ANAPC5: variants seen among roughly 807,000 people sequenced by gnomAD.
ANAPC5 encodes anaphase promoting complex subunit 5.
In ANAPC5, 60 loss-of-function variants were observed where a neutral mutation model predicts 91.3. The ratio of observed to expected loss-of-function variants is 0.66; its 90% CI spans 0.53 to 0.81. The LOEUF is 0.81. Ranked by LOEUF, ANAPC5 falls within the 40% of genes least tolerant of loss-of-function variation. ANAPC5 has a pLI of 0.00. For synonymous variants in ANAPC5, 340 were observed against 364.1 expected, an observed-to-expected ratio of 0.93 and a Z score of 0.75; for missense variants, 690 against 931.5, an observed-to-expected ratio of 0.74 and a Z score of 3.37.
chr12:121,309,369 C>T (rs1032748809), intron 16 of ANAPC5, among the ~76,000 whole-genome samples: 45 of 150,980 alleles, frequency 3.0e-4, no homozygotes, highest in African/African-American at 9.0e-4. Flanking sequence ...ACCTGGAAGG[C>T]GGAGGTTGCA....
rs1902020283 is a variant in ANAPC5, at chr12:121,308,350, G to A, written c.*130C>T. 4 of 742,370 alleles carry A rather than the reference G, an allele frequency of 5.4e-6. No homozygotes were observed. The highest frequency in any genetic ancestry group is 8.7e-6 in the Non-Finnish European group (4 of 459,544). The allele number at this position is 742,370 out of a possible 1,614,324, so 46.0% of individuals were successfully genotyped here. The stretch of plus-strand genomic sequence containing the variant: ...TACGTAGTTACTAGCAACAAAATAA[G>A]ACAAACTAATCAGAATGCTGTTTAT... On this transcript the variant is annotated 3_prime_UTR_variant, in exon 17 of 17. Coordinates refer to ENST00000261819, the MANE Select transcript of ANAPC5 (RefSeq NM_016237.5).
At chr12:121,316,731 T>TAA in intron 15 of ANAPC5, among the ~76,000 whole-genome samples, 1 of 37,736 alleles carries the variant, frequency 2.6e-5, no homozygotes, top group African/African-American at 2.0e-4. Context: ...AGACTCTGTC[T>TAA]CAAAAAAAAA....
At position 121,322,885 on chromosome 12, in the gene ANAPC5, C is replaced by T. The variant is rs538257033; in HGVS notation, c.1441-2426G>A. Among the ~76,000 whole-genome samples the T allele has an allele frequency of 3.3e-5, 5 of 152,010 alleles. No individual in the cohort carries two copies. In the South Asian group the frequency reaches 6.2e-4, roughly 19 times the overall value. On this transcript the variant is annotated intron_variant, in intron 11 of 16. Transcript: ENST00000261819. ...TAAAAGTACAAAAAAATAAGCCGGG[C>T]GCAGTGGCAGGTGCCTGTAATCCCA...
At chr12:121,323,897 A>G (rs920116595) in intron 11 of ANAPC5, among the ~76,000 whole-genome samples, 1 of 152,148 alleles carries the variant, frequency 6.6e-6, no homozygotes, top group Non-Finnish European at 1.5e-5. Context: ...AAATATTCCC[A>G]TCGTGGCCTG....
chr12:121,344,218 TAAGC>T (rs1459194347), intron 4 of ANAPC5, among the ~76,000 whole-genome samples: 1 of 152,116 alleles, frequency 6.6e-6, no homozygotes, highest in Non-Finnish European at 1.5e-5. Context: ...GGGAAACAGA[TAAGC>T]AAGCAAGCAA....
At chr12:121,339,651 T>C (rs1318443363) in intron 5 of ANAPC5, among the ~76,000 whole-genome samples, 1 of 151,942 alleles carries the variant, frequency 6.6e-6, no homozygotes, top group Non-Finnish European at 1.5e-5. Context: ...TGTGTTTTAA[T>C]AGAGACGGGG....
intron 5 of ANAPC5, among the ~76,000 whole-genome samples, chr12:121,341,688 T>C: frequency 6.6e-6 from 1 of 152,238 alleles, no homozygotes; most frequent in Non-Finnish European, 1.5e-5. Flanking sequence ...GCTCTCTTTA[T>C]GTTTGCAAAT....
At chr12:121,316,518 G>T (rs1180945501) in intron 15 of ANAPC5, among the ~76,000 whole-genome samples, 1 of 152,020 alleles carries the variant, frequency 6.6e-6, no homozygotes, top group East Asian at 1.9e-4. Context: ...CGGATCACGA[G>T]GTCAGGAGAT....
chr12:121,337,530 G>C, intron 5 of ANAPC5, 138 bp from the exon 6 acceptor site: 1 of 610,486 alleles, frequency 1.6e-6, no homozygotes, highest in Admixed American at 3.1e-5. Context: ...CGCCAGCCTT[G>C]GCTGGCCTTC....
chr12:121,325,405 G>C (rs759281846), intron 11 of ANAPC5, among the ~76,000 whole-genome samples: 1 of 151,910 alleles, frequency 6.6e-6, no homozygotes, highest in Non-Finnish European at 1.5e-5. Context: ...AGAGGTTGCA[G>C]TGAGCTGAGA....
At chr12:121,350,472 G>A (rs1555275176) in intron 1 of ANAPC5, among the ~76,000 whole-genome samples, 1 of 152,172 alleles carries the variant, frequency 6.6e-6, no homozygotes, top group Admixed American at 6.5e-5. Context: ...ACGAGGTCTG[G>A]AGATCGAGAC....
chr12:121,344,462 C>A (rs1331272113), intron 4 of ANAPC5, among the ~76,000 whole-genome samples: 1 of 151,806 alleles, frequency 6.6e-6, no homozygotes, highest in Non-Finnish European at 1.5e-5. Context: ...CACCTGTAAT[C>A]CCAGCTACTT....
At chr12:121,353,049 G>A (rs1555275676), upstream of ANAPC5, among the ~76,000 whole-genome samples, 1 of 152,170 alleles carries the variant, frequency 6.6e-6, no homozygotes, top group African/African-American at 2.4e-5. Context: ...TCTTTTTAAA[G>A]ATAGGAACAT....
At chr12:121,353,772 T>TATA (rs1371502113), upstream of ANAPC5, among the ~76,000 whole-genome samples, 1 of 151,632 alleles carries the variant, frequency 6.6e-6, no homozygotes, top group East Asian at 2.0e-4. Context: ...TTGTTTAAAT[T>TATA]ATACTTTCTC....
At chr12:121,310,226 GT>G (rs1443939411) in intron 15 of ANAPC5, 1 of 147,402 alleles carries the variant, frequency 6.8e-6, no homozygotes, top group Non-Finnish European at 1.4e-5. Flanking sequence ...AGAGATTCCG[GT>G]TGGTGTTAGT....
intron 15 of ANAPC5, among the ~76,000 whole-genome samples, chr12:121,315,331 G>A (rs1902311799): frequency 6.6e-6 from 1 of 152,202 alleles, no homozygotes; most frequent in East Asian, 1.9e-4. Context: ...TCATGGGTTG[G>A]AAGAGAATAG....
At position 121,318,610 on chromosome 12, in the gene ANAPC5, T is replaced by G. The variant is rs958157559; in HGVS notation, c.1638-2A>C. Reference sequence around the variant, plus strand: ...TGAGCTTGTAATACAACCGCTTTCCTGAAACAGAATCAAAATGAACACAAG... The same window carrying G: ...TGAGCTTGTAATACAACCGCTTTCCGGAAACAGAATCAAAATGAACACAAG... On this transcript the variant is annotated splice_acceptor_variant, in intron 13 of 16. Transcript: ENST00000261819. LOFTEE classifies it high-confidence loss of function. 4.3e-6 allele frequency: 7 copies of G among 1,611,350 alleles called. No homozygotes were observed. In the African/African-American group the frequency reaches 6.7e-5, roughly 15 times the overall value.
rs1436015337 is a variant in ANAPC5, at chr12:121,319,693, T to C, written c.1637+4A>G. The C allele has an allele frequency of 3.7e-6, 6 of 1,601,962 alleles. No individual in the cohort carries two copies. Among genetic ancestry groups the C allele is most frequent in the Non-Finnish European group, 5.1e-6 (6 of 1,176,682 alleles). On this transcript the variant is annotated splice_donor_region_variant and intron_variant, in intron 13 of 16. Transcript: ENST00000261819. Reference sequence around the variant, plus strand: ...CTGGGGTTAGAGTTTTCAAGGTTTCTTACCTATAAACACCCTCTATGCTAT... The same window carrying C: ...CTGGGGTTAGAGTTTTCAAGGTTTCCTACCTATAAACACCCTCTATGCTAT...
intron 5 of ANAPC5, among the ~76,000 whole-genome samples, chr12:121,339,371 C>T (rs1198702119): frequency 6.6e-6 from 1 of 152,038 alleles, no homozygotes; most frequent in Non-Finnish European, 1.5e-5. Flanking sequence ...ATTTCTAAAC[C>T]AAAACCAAAA....
Sources: gnomAD v4.1 joint callset for allele counts (sites outside exome capture counted in the v4.1 genomes callset) on GRCh38, gnomAD v4.1.1 for gene constraint, MANE v1.5 for transcripts, NCBI Gene and HGNC (gene_info 2026-07-23, HGNC 2026-07-21) for gene names.